The following CNTNAP5 variants were observed in gnomAD, a reference collection of about 807,000 sequenced individuals.
CNTNAP5 encodes contactin-associated protein-like 5.
A neutral mutation model predicts 150.2 loss-of-function variants in CNTNAP5; 72 were observed. The ratio of observed to expected loss-of-function variants is 0.48; its 90% CI spans 0.40 to 0.58. The LOEUF (loss-of-function observed/expected upper bound fraction) is 0.58, where lower values mean the gene tolerates loss of function less well. Among genes scored for constraint, CNTNAP5 ranks in the 20% least tolerant of loss-of-function variants. The probability of loss-of-function intolerance (pLI) is 0.00; values close to 1 mark genes in which losing one functional copy is unlikely to be tolerated. For synonymous variants in CNTNAP5, 672 were observed against 619.8 expected, an observed-to-expected ratio of 1.08 and a Z score of -1.25; for missense variants, 1,636 against 1,626.2, an observed-to-expected ratio of 1.01 and a Z score of -0.10.
intron 7 of CNTNAP5, among the ~76,000 whole-genome samples, chr2:124,489,555 A>G (rs1693970605): frequency 6.6e-6 from 1 of 152,214 alleles, no homozygotes; most frequent in Non-Finnish European, 1.5e-5. Context: ...GAGGAAACAC[A>G]GTTCAGTCCA....
chr2:124,237,346 G>T (rs1468402156), intron 2 of CNTNAP5, among the ~76,000 whole-genome samples: 1 of 152,016 alleles, frequency 6.6e-6, no homozygotes, highest in Non-Finnish European at 1.5e-5. Flanking sequence ...CCCTTTTTGA[G>T]TTAGAAGTGG....
chr2:124,440,781 G>A (rs1257950591), intron 5 of CNTNAP5, among the ~76,000 whole-genome samples: 2 of 151,754 alleles, frequency 1.3e-5, no homozygotes, highest in African/African-American at 4.8e-5. Flanking sequence ...ATCTATTTCT[G>A]TCCCAAAAGT....
intron 13 of CNTNAP5, among the ~76,000 whole-genome samples, chr2:124,725,335 T>TATG (rs1179163209): frequency 3.9e-5 from 6 of 152,156 alleles, no homozygotes; most frequent in Non-Finnish European, 5.9e-5. Context: ...ATTGTATATA[T>TATG]ATGGTATACA....
chr2:124,417,369 G>C (rs969998642), intron 3 of CNTNAP5, 74 bp from the exon 4 acceptor site: 5 of 1,502,140 alleles, frequency 3.3e-6, no homozygotes, highest in Non-Finnish European at 4.6e-6. Context: ...CGAGTTCGTG[G>C]AGTAACAAAT....
chr2:124,600,053 A>C (rs1158838344), intron 11 of CNTNAP5, among the ~76,000 whole-genome samples: 2 of 152,134 alleles, frequency 1.3e-5, no homozygotes, highest in Non-Finnish European at 2.9e-5. Context: ...TTTGTTCCAT[A>C]ATGTGTTAGG....
In CNTNAP5 at chr2:124,914,286, T is replaced by C. The variant is rs1678717303; in HGVS notation, c.3922T>C (p.Ter1308ArgextTer52). The C allele has an allele frequency of 6.2e-7, 1 of 1,607,818 alleles. No individual in the cohort carries two copies. The highest frequency in any genetic ancestry group is 8.5e-7 in the Non-Finnish European group (1 of 1,175,400). Residue 1308 changes from the stop codon to arginine, a stop_lost, in exon 24 of 24, where the codon TGA (stop) becomes CGA (arginine). Coordinates refer to ENST00000682447, the MANE Select transcript of CNTNAP5 (RefSeq NM_001367498.1). ...VSECKREYFI* is the reference protein window; with the variant it reads ...VSECKREYFIR ...CGAGTGTAAACGGGAATATTTCATC[T>C]GAGAAACTGCAGGGTTCCTACTACT... is the stretch of plus-strand genomic sequence containing the variant.
At chr2:124,631,523 C>G (rs1677860418) in intron 12 of CNTNAP5, among the ~76,000 whole-genome samples, 1 of 152,018 alleles carries the variant, frequency 6.6e-6, no homozygotes. Flanking sequence ...TAGCCATATG[C>G]AGAAAATCGA....
At position 124,500,500 on chromosome 2, in the gene CNTNAP5, G is replaced by T. The variant is rs528842566; in HGVS notation, c.1063-3792G>T. Among the ~76,000 whole-genome samples the T allele has an allele frequency of 2.6e-5, 4 of 152,222 alleles. No homozygotes were observed. In the East Asian group the frequency reaches 7.7e-4, roughly 29 times the overall value. On this transcript the variant is annotated intron_variant, in intron 7 of 23. Transcript: ENST00000682447. ...AAACTAGCCCAACAGGAGCTTTGTT[G>T]AAGGCAGACAAGTGTGATAATATAT... is the stretch of plus-strand genomic sequence containing the variant.
At chr2:124,223,432 T>G (rs1302767230) in intron 2 of CNTNAP5, among the ~76,000 whole-genome samples, 2 of 152,166 alleles carry the variant, frequency 1.3e-5, no homozygotes, top group African/African-American at 4.8e-5. Flanking sequence ...ATGTGCAGAT[T>G]AAGATCAGAC....
At chr2:124,465,357 T>A (rs1239451869) in intron 6 of CNTNAP5, among the ~76,000 whole-genome samples, 1 of 152,058 alleles carries the variant, frequency 6.6e-6, no homozygotes, top group Non-Finnish European at 1.5e-5. Context: ...CCTGGCATTT[T>A]TGACCACTAA....
At chr2:124,135,427 G>T (rs1039973867) in intron 1 of CNTNAP5, among the ~76,000 whole-genome samples, 36 of 152,154 alleles carry the variant, frequency 2.4e-4, no homozygotes, top group African/African-American at 8.4e-4. Flanking sequence ...GAAGATGTAA[G>T]CTTGTTTTCT....
intron 1 of CNTNAP5, among the ~76,000 whole-genome samples, chr2:124,195,059 C>T (rs1370838820): frequency 2.0e-5 from 3 of 150,394 alleles, no homozygotes; most frequent in African/African-American, 4.9e-5. Context: ...AAAAAAAACT[C>T]AAAAAGCATA....
chr2:124,374,475 A>G (rs1460832101), intron 3 of CNTNAP5, among the ~76,000 whole-genome samples: 2 of 152,128 alleles, frequency 1.3e-5, no homozygotes, highest in Non-Finnish European at 2.9e-5. Flanking sequence ...TAAGAGAAGA[A>G]GTCAATCATA....
chr2:124,349,425 C>T (rs538140869), intron 3 of CNTNAP5, among the ~76,000 whole-genome samples: 12 of 152,176 alleles, frequency 7.9e-5, no homozygotes, highest in Non-Finnish European at 1.6e-4. Context: ...TAGTGCATGA[C>T]TGTATTAGTT....
At chr2:124,834,169 G>T (rs1374762284) in intron 19 of CNTNAP5, among the ~76,000 whole-genome samples, 1 of 151,996 alleles carries the variant, frequency 6.6e-6, no homozygotes, top group Admixed American at 6.6e-5. Context: ...TGATAAATTG[G>T]CAGAACCAAG....
At chr2:124,852,159 C>T (rs1028411193) in intron 19 of CNTNAP5, among the ~76,000 whole-genome samples, 14 of 152,222 alleles carry the variant, frequency 9.2e-5, no homozygotes, top group South Asian at 2.1e-4. Context: ...GTTGCAATTA[C>T]GGAGGGTTTG....
chr2:124,425,287 TAAG>T (rs1039484283), intron 4 of CNTNAP5, among the ~76,000 whole-genome samples: 3 of 152,164 alleles, frequency 2.0e-5, no homozygotes, highest in Non-Finnish European at 4.4e-5. Context: ...TCAACTACCG[TAAG>T]GGAGAAAAAT....
intron 1 of CNTNAP5, among the ~76,000 whole-genome samples, chr2:124,093,586 G>A (rs1682863864): frequency 6.6e-6 from 1 of 152,144 alleles, no homozygotes; most frequent in South Asian, 2.1e-4. Context: ...TAGGAGGAAT[G>A]GGCACCCATA....
chr2:124,077,801 C>G (rs1682472904), intron 1 of CNTNAP5, among the ~76,000 whole-genome samples: 1 of 152,162 alleles, frequency 6.6e-6, no homozygotes, highest in Admixed American at 6.5e-5. Context: ...GTTTGTCATA[C>G]AACTTGACTT....
Sources: allele counts gnomAD v4.1 joint callset (sites outside exome capture counted in the v4.1 genomes callset), GRCh38; gene constraint gnomAD v4.1.1; transcripts MANE v1.5; gene names NCBI Gene and HGNC (gene_info 2026-07-23, HGNC 2026-07-21).